The following ZNF639 variants were observed in gnomAD, a reference collection of about 807,000 sequenced individuals.
ZNF639 encodes the protein zinc finger amplified in esophageal squamous cell carcinomas 1.
ZNF639 carries 20 observed loss-of-function variants against 39.8 expected under a neutral mutation model. That is an observed-to-expected ratio of 0.50 (90% confidence interval 0.35 to 0.73). The LOEUF (loss-of-function observed/expected upper bound fraction) is 0.73, where lower values mean the gene tolerates loss of function less well. ZNF639 is among the 30% of genes least tolerant of loss of function. The pLI, the probability that ZNF639 is intolerant of heterozygous loss-of-function variation, is 0.00. For synonymous variants in ZNF639, 176 were observed against 189.8 expected (o/e 0.93, Z 0.60); for missense variants, 477 against 566.2 (o/e 0.84, Z 1.60).
intron 1 of ZNF639, among the ~76,000 whole-genome samples, chr3:179,323,566 C>A (rs56210820): frequency 0.038 from 5,735 of 152,234 alleles, 338 homozygotes; most frequent in African/African-American, 0.13. Flanking sequence ...GTCTCCTTGG[C>A]GCCGGCTTCT....
rs1358255217 is a variant in ZNF639, at chr3:179,329,664, C to A, written c.105C>A (p.Phe35Leu). ...TTGCAGATGGATTCAATGGAATTTT[C>A]TCTGATCATTGTTACAGTGTCTGTT... ...SRIADGFNGI[F>L]SDHCYSVCSM... is the part of the protein sequence containing the mutation. The change falls in exon 4 of 6, where the codon TTC becomes TTA. Residue 35 changes from phenylalanine to leucine, a missense_variant. By Grantham distance (22) the Phe-to-Leu change is conservative. Coordinates refer to ENST00000496856, the MANE Select transcript of ZNF639 (RefSeq NM_001303426.2). 1 of 1,610,060 alleles carries A rather than the reference C, an allele frequency of 6.2e-7. No homozygotes were observed.
chr3:179,333,292 T>G lies in ZNF639; in HGVS notation c.328T>G (p.Cys110Gly). The G allele has an allele frequency of 6.2e-7, 1 of 1,602,996 alleles. No individual in the cohort carries two copies. The highest frequency in any genetic ancestry group is 8.5e-7 in the Non-Finnish European group (1 of 1,175,026). ...AGAAAAATCTGCTGATATTGTAATT[T>G]GTGATGAAGAGTGTGACTCACCTGA... ...STEKSADIVI[C>G]DEECDSPESV... Residue 110 changes from cysteine (C) to glycine (G), a missense_variant, in exon 6 of 6, where the codon TGT becomes GGT. Transcript: ENST00000496856.
In ZNF639 at chr3:179,328,274, G is replaced by A. The variant is rs201369121; in HGVS notation, c.-11-9G>A. 1,825 of 1,498,732 alleles carry A rather than the reference G, an allele frequency of 1.2e-3. 21 individuals carry two copies. The African/African-American group carries it at 0.023, about 19-fold the overall frequency. 92.8% of individuals were successfully genotyped at this position (1,498,732 alleles called of 1,614,324 possible). On this transcript the variant is annotated splice_polypyrimidine_tract_variant and intron_variant, in intron 2 of 5. Coordinates refer to ENST00000496856, the MANE Select transcript of ZNF639 (RefSeq NM_001303426.2). The stretch of plus-strand genomic sequence containing the variant: ...GTGACATATTTGTTAATTTTTTCTC[G>A]TTTTTTAGATTGAAAAGATATGAAT...
Position 179,334,377 on chromosome 3 carries a change from TGAAAG to T in ZNF639, c.1415_1419del (p.Glu472GlyfsTer10), listed in dbSNP as rs1343067005. On this transcript the variant is annotated frameshift_variant, in exon 6 of 6. Coordinates refer to ENST00000496856, the MANE Select transcript of ZNF639 (RefSeq NM_001303426.2). LOFTEE classifies it high-confidence loss of function. ...GTGACTGCTTGATGAGGTTTGGAAA[TGAAAG>T]GGAATTAATAAGTCACCTTCCAGTC... 1 of 1,584,656 alleles carries T rather than the reference TGAAAG, an allele frequency of 6.3e-7. No individual in the cohort carries two copies. The highest frequency in any genetic ancestry group is 1.2e-5 in the South Asian group (1 of 85,570).
chr3:179,337,579 T>G lies in ZNF639; in HGVS notation c.*3157T>G, dbSNP rs1322179007. Reference sequence around the variant, plus strand: ...CTTGAACTCCTGACCTCTTGTGATCTGCCCACCTCGACCTCCCAAAGTGCT... The same window carrying G: ...CTTGAACTCCTGACCTCTTGTGATCGGCCCACCTCGACCTCCCAAAGTGCT... On this transcript the variant is annotated 3_prime_UTR_variant, in exon 6 of 6. Transcript: ENST00000496856. 3 of 151,398 alleles carry G rather than the reference T, an allele frequency of 2.0e-5. No homozygotes were observed. Among genetic ancestry groups the G allele is most frequent in the Admixed American group, 6.6e-5 (1 of 15,194 alleles). 9.4% of individuals were successfully genotyped at this position (151,398 alleles called of 1,614,324 possible). A position where few individuals can be genotyped will look rare whatever the true frequency, so the allele number is the denominator to read the frequency against.
At position 179,333,745 on chromosome 3, in the gene ZNF639, A is replaced by C. The variant is rs147750542; in HGVS notation, c.781A>C (p.Ile261Leu). 1,745 of 1,614,028 alleles carry C rather than the reference A, an allele frequency of 1.1e-3. 1 individual carries two copies. Among genetic ancestry groups the C allele is most frequent in the Non-Finnish European group, 1.4e-3 (1,672 of 1,180,024 alleles). Residue 261 changes from isoleucine to leucine, a missense_variant, in exon 6 of 6, where the codon ATT (isoleucine) becomes CTT (leucine). Transcript: ENST00000496856. ...CAAACTGCATGAAGAGGATCCCTAC[A>C]TTTGTAAATACTGTGATTATAAGAC... ...HAKLHEEDPY[I>L]CKYCDYKTVI...
chr3:179,326,233 C>T (rs1231130453), intron 1 of ZNF639, among the ~76,000 whole-genome samples: 1 of 152,046 alleles, frequency 6.6e-6, no homozygotes, highest in Admixed American at 6.6e-5. Flanking sequence ...TGCTGGCGGG[C>T]GCCCGTAATC....
At chr3:179,326,059 G>A (rs570348762) in intron 1 of ZNF639, among the ~76,000 whole-genome samples, 1 of 151,946 alleles carries the variant, frequency 6.6e-6, no homozygotes, top group Non-Finnish European at 1.5e-5. Context: ...GGCCGGGCGC[G>A]GTGCCTCGTG....
chr3:179,323,326 T>C (rs1727387002), intron 1 of ZNF639, 35 bp downstream of exon 1: 8 of 984,958 alleles, frequency 8.1e-6, no homozygotes, highest in Non-Finnish European at 7.2e-6. Flanking sequence ...GGTCGGGCGC[T>C]GGACTGCTCC....
Position 179,334,506 on chromosome 3 carries a change from CACA to C in ZNF639, c.*87_*89del, listed in dbSNP as rs2108508693. 1 of 1,094,522 alleles carries C rather than the reference CACA, an allele frequency of 9.1e-7. No homozygotes were observed. Among genetic ancestry groups the C allele is most frequent in the African/African-American group, 1.6e-5 (1 of 61,834 alleles). 67.8% of individuals were successfully genotyped at this position (1,094,522 alleles called of 1,614,324 possible). The stretch of plus-strand genomic sequence containing the variant: ...AGATGATTAAATGGATGATTGTAAA[CACA>C]ACTTATGAAATCTGCCTTTAACAAG... On this transcript the variant is annotated 3_prime_UTR_variant, in exon 6 of 6. Coordinates refer to ENST00000496856, the MANE Select transcript of ZNF639 (RefSeq NM_001303426.2).
rs201583149 is a variant in ZNF639, at chr3:179,333,882, A to G, written c.918A>G (p.Leu306=). 192 of 1,614,200 alleles carry G rather than the reference A, an allele frequency of 1.2e-4. No individual in the cohort carries two copies. In the Admixed American group the frequency reaches 3.1e-3, roughly 26 times the overall value. ...TCTCCTCAAGCAGTGAACTCTACCT[A>G]CATTTCCAGGAGCACAGCTGTGATG... ...VQFSSSSELY[L]HFQEHSCDEQ... The change falls in exon 6 of 6, where the codon CTA becomes CTG. Residue 306 remains leucine (L), a synonymous_variant. Transcript: ENST00000496856.
In ZNF639 at chr3:179,335,774, C is replaced by CTTTTTTTTTTTTTT. The variant is rs35673654; in HGVS notation, c.*1356_*1369dup. ...TGCAAGTCTGTCCCCCAAATTTCCT[C>CTTTTTTTTTTTTTT]TTTTTTTTTTTTTTTTTGCTTTTTT... On this transcript the variant is annotated 3_prime_UTR_variant, in exon 6 of 6. Transcript: ENST00000496856. 7.8e-6 allele frequency: 1 copy of CTTTTTTTTTTTTTT among 128,614 alleles called. No homozygotes were observed. The highest frequency in any genetic ancestry group is 2.9e-5 in the African/African-American group (1 of 34,362). 8.0% of individuals were successfully genotyped at this position (128,614 alleles called of 1,614,324 possible).
At chr3:179,329,497 A>G in intron 3 of ZNF639, 121 bp from the exon 4 acceptor site, 2 of 604,010 alleles carry the variant, frequency 3.3e-6, no homozygotes, top group East Asian at 3.1e-5. Flanking sequence ...AAAATGTATA[A>G]TATTTTCATT....
rs55916170 is a variant in ZNF639, at chr3:179,335,795, T to C, written c.*1373T>C. The C allele has an allele frequency of 6.8e-6, 1 of 146,922 alleles. No individual in the cohort carries two copies. The highest frequency in any genetic ancestry group is 2.2e-4 in the South Asian group (1 of 4,634). 9.1% of individuals were successfully genotyped at this position (146,922 alleles called of 1,614,324 possible). Reference sequence around the variant, plus strand: ...TCCTCTTTTTTTTTTTTTTTTTGCTTTTTTAATTTTTTGAGACAGAATTTC... The same window carrying C: ...TCCTCTTTTTTTTTTTTTTTTTGCTCTTTTAATTTTTTGAGACAGAATTTC... On this transcript the variant is annotated 3_prime_UTR_variant, in exon 6 of 6. Coordinates refer to ENST00000496856, the MANE Select transcript of ZNF639 (RefSeq NM_001303426.2).
At chr3:179,326,870 A>G (rs886787440) in intron 1 of ZNF639, among the ~76,000 whole-genome samples, 4 of 151,878 alleles carry the variant, frequency 2.6e-5, no homozygotes, top group African/African-American at 9.7e-5. Context: ...TAAATAAATA[A>G]TCTATAAGGG....
chr3:179,333,229 T>C (rs758359518), intron 5 of ZNF639, 40 bp from the exon 6 acceptor site: 7 of 1,561,364 alleles, frequency 4.5e-6, no homozygotes, highest in African/African-American at 4.1e-5. Flanking sequence ...ACAGATCTTA[T>C]TTAGTTATAG....
In ZNF639 at chr3:179,333,339, A is replaced by G; in HGVS notation, c.375A>G (p.Gln125=). The G allele has an allele frequency of 6.2e-7, 1 of 1,614,050 alleles. No individual in the cohort carries two copies. Among genetic ancestry groups the G allele is most frequent in the Non-Finnish European group, 8.5e-7 (1 of 1,179,986 alleles). Residue 125 remains glutamine, a synonymous_variant, in exon 6 of 6, where the codon CAA becomes CAG. Coordinates refer to ENST00000496856, the MANE Select transcript of ZNF639 (RefSeq NM_001303426.2). ...DSPESVNQQT[Q]EESPIEVHTA... is the part of the protein sequence containing the mutation. The stretch of plus-strand genomic sequence containing the variant: ...CTGAATCAGTCAACCAGCAAACCCA[A>G]GAGGAGAGTCCTATAGAAGTTCACA...
In ZNF639 at chr3:179,328,404, T is replaced by C. The variant is rs544111649; in HGVS notation, c.58+53T>C. On this transcript the variant is annotated intron_variant, in intron 3 of 5. Transcript: ENST00000496856. ...GTATGGATTAATTCCCACAAAATTA[T>C]ATTCTCATCCATTTTCTCCTAAGTG... The C allele has an allele frequency of 4.7e-6, 6 of 1,267,914 alleles. No homozygotes were observed. The South Asian group carries it at 8.3e-5, about 18-fold the overall frequency. The allele number at this position is 1,267,914 out of a possible 1,614,324, so 78.5% of individuals were successfully genotyped here.
rs1041246485 is a variant in ZNF639, at chr3:179,337,636, A to G, written c.*3214A>G. The G allele has an allele frequency of 1.3e-5, 2 of 151,168 alleles. No homozygotes were observed. Among genetic ancestry groups the G allele is most frequent in the African/African-American group, 4.9e-5 (2 of 41,162 alleles). The allele number at this position is 151,168 out of a possible 1,614,324, so 9.4% of individuals were successfully genotyped here. ...ACAGGCGTGAGCCACTGCACCCGGC[A>G]TAATTTTGGACTTTTTGATGAATCT... On this transcript the variant is annotated 3_prime_UTR_variant, in exon 6 of 6. Coordinates refer to ENST00000496856, the MANE Select transcript of ZNF639 (RefSeq NM_001303426.2).
Sources: allele counts gnomAD v4.1 joint callset (sites outside exome capture counted in the v4.1 genomes callset), GRCh38; gene constraint gnomAD v4.1.1; transcripts MANE v1.5; gene names NCBI Gene and HGNC (gene_info 2026-07-23, HGNC 2026-07-21).